The following OTUD7A variants were observed in gnomAD, a reference collection of about 807,000 sequenced individuals.
OTUD7A encodes OTU domain-containing protein 7A.
In OTUD7A, 12 loss-of-function variants were observed where a neutral mutation model predicts 65.7. That is an observed-to-expected ratio of 0.18 (90% CI 0.12 to 0.30). The LOEUF is 0.30. Among genes scored for constraint, OTUD7A ranks in the 10% least tolerant of loss-of-function variants. The pLI is 1.00. For missense variants in OTUD7A, 1,148 were observed against 1,304.8 expected, an observed-to-expected ratio of 0.88 and a Z score of 1.85; for synonymous variants, 641 against 586.3, an observed-to-expected ratio of 1.09 and a Z score of -1.35.
At chr15:31,507,550 G>T (rs897499708) in intron 8 of OTUD7A, among the ~76,000 whole-genome samples, 2 of 152,192 alleles carry the variant, frequency 1.3e-5, no homozygotes, top group Non-Finnish European at 2.9e-5. Flanking sequence ...AGAGTGAGCA[G>T]CAGCAAGATT....
At position 31,763,729 on chromosome 15, in the gene OTUD7A, G is replaced by A. The variant is rs867226176; in HGVS notation, c.-99-106652C>T. 4.6e-5 allele frequency among the ~76,000 whole-genome samples: 7 copies of A among 152,196 alleles called. 1 individual carries two copies. The South Asian group carries it at 1.5e-3, about 32-fold the overall frequency. On this transcript the variant is annotated intron_variant, in intron 1 of 12. Transcript: ENST00000307050. ...AGAAAATAAAAGAAATCCAGGCCCA[G>A]ACAAATCATAATCATGTGGCTGAAA... is the stretch of plus-strand genomic sequence containing the variant.
intron 3 of OTUD7A, among the ~76,000 whole-genome samples, chr15:31,623,443 C>A (rs1018489491): frequency 6.6e-6 from 1 of 152,230 alleles, no homozygotes; most frequent in Non-Finnish European, 1.5e-5. Flanking sequence ...GCTTTGTTTA[C>A]CTACTCAAGC....
At chr15:31,695,258 T>C (rs867967772) in intron 1 of OTUD7A, among the ~76,000 whole-genome samples, 2,040 of 141,256 alleles carry the variant, frequency 0.014, 57 homozygotes, top group African/African-American at 0.049. Context: ...AACTCTTTGA[T>C]GTACTGATTT....
chr15:31,739,140 C>G (rs1451061974), intron 1 of OTUD7A, among the ~76,000 whole-genome samples: 3 of 152,162 alleles, frequency 2.0e-5, no homozygotes, highest in African/African-American at 7.2e-5. Flanking sequence ...TATTGTTATG[C>G]CACTCATCTT....
chr15:31,858,132 CA>C (rs1207020256), intron 1 of OTUD7A, among the ~76,000 whole-genome samples: 1 of 152,136 alleles, frequency 6.6e-6, no homozygotes, highest in Non-Finnish European at 1.5e-5. Flanking sequence ...GAGTATTGTT[CA>C]GGGGCAGAAA....
chr15:31,659,742 A>T (rs1455587982), intron 1 of OTUD7A, among the ~76,000 whole-genome samples: 1 of 152,244 alleles, frequency 6.6e-6, no homozygotes, highest in Non-Finnish European at 1.5e-5. Context: ...AGAGAGGGCC[A>T]GCGAGGGCCA....
intron 10 of OTUD7A, among the ~76,000 whole-genome samples, chr15:31,495,807 T>C (rs987750451): frequency 1.3e-5 from 2 of 152,164 alleles, no homozygotes; most frequent in Non-Finnish European, 2.9e-5. Flanking sequence ...GGCTCACACC[T>C]GTAATCCCAG....
In OTUD7A at chr15:31,510,907, T is replaced by TGTATATCTATATGTAACATAC. The variant is rs2041691427; in HGVS notation, c.894-7090_894-7089insGTATGTTACATATAGATATAC. ...TATATGTATATCTATATGTAACATA[T>TGTATATCTATATGTAACATAC]ATGTATATCTATATGTAACATATAT... is the stretch of plus-strand genomic sequence containing the variant. On this transcript the variant is annotated intron_variant, in intron 8 of 12. Coordinates refer to ENST00000307050, the MANE Select transcript of OTUD7A (RefSeq NM_001382637.1). Among the ~76,000 whole-genome samples, 4 of 37,460 alleles carry TGTATATCTATATGTAACATAC rather than the reference T, an allele frequency of 1.1e-4. 2 individuals are homozygous for TGTATATCTATATGTAACATAC. Among genetic ancestry groups the TGTATATCTATATGTAACATAC allele is most frequent in the African/African-American group, 8.9e-4 (4 of 4,476 alleles). The allele number at this position is 37,460 out of a possible 152,430, so 24.6% of individuals were successfully genotyped here.
intron 1 of OTUD7A, among the ~76,000 whole-genome samples, chr15:31,854,221 C>G (rs1897503794): frequency 1.3e-5 from 2 of 152,172 alleles, no homozygotes; most frequent in Admixed American, 6.5e-5. Context: ...TGGACCCCTT[C>G]CAGGAAACAC....
At chr15:31,616,393 T>A (rs1372106373) in intron 3 of OTUD7A, among the ~76,000 whole-genome samples, 1 of 152,232 alleles carries the variant, frequency 6.6e-6, no homozygotes, top group African/African-American at 2.4e-5. Flanking sequence ...AGGAATTAAC[T>A]GGAAATGTAT....
intron 1 of OTUD7A, among the ~76,000 whole-genome samples, 167 bp downstream of exon 1, chr15:31,870,340 C>T (rs911059884): frequency 2.0e-5 from 3 of 146,534 alleles, no homozygotes; most frequent in African/African-American, 7.3e-5. Flanking sequence ...GCGCCCCCCG[C>T]GTCCCCGCGC....
In OTUD7A at chr15:31,814,245, T is replaced by C. The variant is rs554164276; in HGVS notation, c.-100+56262A>G. 9.2e-5 allele frequency among the ~76,000 whole-genome samples: 14 copies of C among 152,356 alleles called. No individual in the cohort carries two copies. In the South Asian group the frequency reaches 2.9e-3, roughly 32 times the overall value. On this transcript the variant is annotated intron_variant, in intron 1 of 12. Coordinates refer to ENST00000307050, the MANE Select transcript of OTUD7A (RefSeq NM_001382637.1). The stretch of plus-strand genomic sequence containing the variant: ...TGCAAGGGTGCTCTAAAGGATCATG[T>C]GCCAACAACTTACTCCAGCTGGAAA...
chr15:31,511,953 A>G (rs527345938), intron 8 of OTUD7A, among the ~76,000 whole-genome samples: 1 of 151,110 alleles, frequency 6.6e-6, no homozygotes, highest in Non-Finnish European at 1.5e-5. Flanking sequence ...CTCAGTGGGG[A>G]TTTTTTTTAC....
At chr15:31,766,487 G>T (rs1046409307) in intron 1 of OTUD7A, 24 of 1,603,406 alleles carry the variant, frequency 1.5e-5, no homozygotes, top group South Asian at 1.4e-4. Context: ...TTGTACTTTT[G>T]CAGAGTCTTT....
intron 3 of OTUD7A, among the ~76,000 whole-genome samples, chr15:31,617,776 A>AT (rs1477679813): frequency 6.6e-6 from 1 of 151,846 alleles, no homozygotes; most frequent in Non-Finnish European, 1.5e-5. Flanking sequence ...TTATTTTATT[A>AT]TTTTTTAATT....
intron 1 of OTUD7A, among the ~76,000 whole-genome samples, chr15:31,847,654 G>C (rs1897321697): frequency 6.6e-6 from 1 of 152,142 alleles, no homozygotes; most frequent in South Asian, 2.1e-4. Flanking sequence ...TATTACCATG[G>C]ATAAGATTCA....
At chr15:31,530,846 A>G (rs2042076181) in intron 5 of OTUD7A, 38 bp from the exon 6 acceptor site, 4 of 1,576,184 alleles carry the variant, frequency 2.5e-6, no homozygotes, top group South Asian at 2.3e-5. Context: ...GATCCCAGAA[A>G]AGGAAGGGGC....
intron 3 of OTUD7A, among the ~76,000 whole-genome samples, chr15:31,608,717 A>G (rs927601185): frequency 1.3e-5 from 2 of 152,360 alleles, no homozygotes; most frequent in Non-Finnish European, 2.9e-5. Flanking sequence ...GATGGGATAG[A>G]AGCAATATTT....
chr15:31,753,995 G>A (rs1894738029), intron 1 of OTUD7A, among the ~76,000 whole-genome samples: 1 of 151,862 alleles, frequency 6.6e-6, no homozygotes, highest in Admixed American at 6.6e-5. Flanking sequence ...GTGTAGAAGT[G>A]TTCCCTGTTC....
Sources: gnomAD v4.1 joint callset for allele counts (sites outside exome capture counted in the v4.1 genomes callset) on GRCh38, gnomAD v4.1.1 for gene constraint, MANE v1.5 for transcripts, NCBI Gene and HGNC (gene_info 2026-07-23, HGNC 2026-07-21) for gene names.